Variants in CADPS2 observed in about 807,000 individuals in gnomAD.
CADPS2 encodes the protein calcium dependent secretion activator 2.
CADPS2 carries 93 observed loss-of-function variants against 172.5 expected under a neutral mutation model. The observed-to-expected ratio is 0.54, with a 90% confidence interval of 0.46 to 0.64. CADPS2 has a LOEUF of 0.64. CADPS2 is among the 30% of genes least tolerant of loss of function. The pLI, the probability that CADPS2 is intolerant of heterozygous loss-of-function variation, is 0.00. For synonymous variants in CADPS2, 546 were observed against 555.2 expected, an observed-to-expected ratio of 0.98 and a Z score of 0.23; for missense variants, 1,420 against 1,565.9, an observed-to-expected ratio of 0.91 and a Z score of 1.57.
At chr7:122,335,207 C>G (rs974150513) in intron 28 of CADPS2, among the ~76,000 whole-genome samples, 10 of 152,202 alleles carry the variant, frequency 6.6e-5, no homozygotes, top group Non-Finnish European at 1.0e-4. Context: ...TGTACTTTTA[C>G]TGCCTCAAAA....
At chr7:122,576,618 C>T (rs1217122049) in intron 7 of CADPS2, among the ~76,000 whole-genome samples, 2 of 152,112 alleles carry the variant, frequency 1.3e-5, no homozygotes, top group African/African-American at 4.8e-5. Context: ...TATGGTTAGG[C>T]TTTGTGTCCC....
chr7:122,358,376 T>A (rs2039694576), intron 27 of CADPS2, among the ~76,000 whole-genome samples: 1 of 152,246 alleles, frequency 6.6e-6, no homozygotes, highest in Admixed American at 6.5e-5. Context: ...AAGTCCTTTA[T>A]CAGATATGTG....
chr7:122,502,440 T>C (rs1261856553), intron 9 of CADPS2, among the ~76,000 whole-genome samples: 1 of 152,034 alleles, frequency 6.6e-6, no homozygotes, highest in African/African-American at 2.4e-5. Context: ...AATTAAAGTT[T>C]TCTTAGCATT....
chr7:122,876,585 A>G (rs1389545802), intron 1 of CADPS2, among the ~76,000 whole-genome samples: 2 of 151,408 alleles, frequency 1.3e-5, no homozygotes, highest in African/African-American at 4.9e-5. Context: ...CTGTTCTCCA[A>G]CTCCTGGGCT....
intron 3 of CADPS2, among the ~76,000 whole-genome samples, chr7:122,645,345 A>ATG (rs1328317425): frequency 4.0e-5 from 3 of 74,800 alleles, no homozygotes; most frequent in African/African-American, 1.5e-4. Flanking sequence ...ACACATGTAC[A>ATG]TGTGTGTGTA....
At chr7:122,622,412 A>G (rs1236713869) in intron 4 of CADPS2, among the ~76,000 whole-genome samples, 1 of 152,168 alleles carries the variant, frequency 6.6e-6, no homozygotes, top group Non-Finnish European at 1.5e-5. Context: ...GGAAGATTCT[A>G]TTTTCTTGCT....
chr7:122,876,248 A>G (rs888063025), intron 1 of CADPS2, among the ~76,000 whole-genome samples: 22 of 152,182 alleles, frequency 1.4e-4, no homozygotes, highest in Admixed American at 5.2e-4. Context: ...TGAACCTGGG[A>G]AGCAGAGGTT....
At chr7:122,760,219 G>T (rs1393496215) in intron 1 of CADPS2, among the ~76,000 whole-genome samples, 1 of 151,698 alleles carries the variant, frequency 6.6e-6, no homozygotes. Context: ...GCTAAGCAAA[G>T]AAGTCATCAG....
At chr7:122,505,054 T>G (rs2059509217) in intron 9 of CADPS2, among the ~76,000 whole-genome samples, 1 of 152,236 alleles carries the variant, frequency 6.6e-6, no homozygotes, top group African/African-American at 2.4e-5. Context: ...TTATAATGTC[T>G]TTTAAAAATT....
chr7:122,456,828 T>C (rs934817285), intron 14 of CADPS2, among the ~76,000 whole-genome samples: 1 of 152,190 alleles, frequency 6.6e-6, no homozygotes, highest in African/African-American at 2.4e-5. Context: ...CAAAAAATAG[T>C]TGATAAGGCC....
chr7:122,678,078 T>C (rs1243126776), intron 2 of CADPS2, among the ~76,000 whole-genome samples: 3 of 152,154 alleles, frequency 2.0e-5, no homozygotes, highest in African/African-American at 7.2e-5. Flanking sequence ...GACACTCAAA[T>C]TTTAAAGGAA....
intron 20 of CADPS2, among the ~76,000 whole-genome samples, chr7:122,402,096 G>A (rs2151600194): frequency 1.3e-5 from 2 of 152,030 alleles, no homozygotes; most frequent in Middle Eastern, 6.8e-3. Context: ...TCACTAATTA[G>A]TTCAGTCTCT....
At chr7:122,709,189 A>T (rs1453958595) in intron 2 of CADPS2, among the ~76,000 whole-genome samples, 2 of 152,142 alleles carry the variant, frequency 1.3e-5, no homozygotes, top group East Asian at 1.9e-4. Context: ...CTGGGACTCC[A>T]TCATTTCAAG....
chr7:122,836,753 T>A (rs1466077705), intron 1 of CADPS2, among the ~76,000 whole-genome samples: 1 of 152,146 alleles, frequency 6.6e-6, no homozygotes, highest in Non-Finnish European at 1.5e-5. Context: ...ATGCACCCAA[T>A]ACAGGAGCAC....
At chr7:122,347,016 TTAGA>T (rs1249438315) in intron 27 of CADPS2, among the ~76,000 whole-genome samples, 3 of 152,158 alleles carry the variant, frequency 2.0e-5, no homozygotes, top group Non-Finnish European at 4.4e-5. Context: ...ATCTATTAAA[TTAGA>T]TAGATCCATC....
chr7:122,580,502 C>T (rs996107536), intron 7 of CADPS2, among the ~76,000 whole-genome samples: 7 of 151,038 alleles, frequency 4.6e-5, no homozygotes, highest in Admixed American at 4.6e-4. Context: ...AAGACATCTT[C>T]ATATAGACTA....
intron 8 of CADPS2, among the ~76,000 whole-genome samples, chr7:122,519,033 CA>C (rs1308964741): frequency 2.6e-5 from 4 of 151,570 alleles, no homozygotes; most frequent in African/African-American, 9.7e-5. Context: ...CAAATATCAT[CA>C]GTTTTCATGG....
intron 2 of CADPS2, among the ~76,000 whole-genome samples, chr7:122,735,666 C>T (rs2092101155): frequency 6.6e-6 from 1 of 152,146 alleles, no homozygotes; most frequent in Non-Finnish European, 1.5e-5. Flanking sequence ...GATCCAATTT[C>T]AGTTTCCCTA....
chr7:122,581,771 C>A (rs574551180), intron 6 of CADPS2, among the ~76,000 whole-genome samples: 102 of 152,122 alleles, frequency 6.7e-4, no homozygotes, highest in African/African-American at 2.3e-3. Flanking sequence ...TATCTCAGAT[C>A]TATTACTTCA....
Sources: allele counts gnomAD v4.1 joint callset (sites outside exome capture counted in the v4.1 genomes callset), GRCh38; gene constraint gnomAD v4.1.1; transcripts MANE v1.5; gene names NCBI Gene and HGNC (gene_info 2026-07-23, HGNC 2026-07-21).